CADM1: variants seen among roughly 807,000 people sequenced by gnomAD.
The protein encoded by CADM1 is cell adhesion molecule 1.
CADM1 carries 15 observed loss-of-function variants against 53.1 expected under a neutral mutation model. That is an observed-to-expected ratio of 0.28 (90% CI 0.19 to 0.44). The LOEUF is 0.44. Ranked by LOEUF, CADM1 falls within the 20% of genes least tolerant of loss-of-function variation. The pLI, the probability that CADM1 is intolerant of heterozygous loss-of-function variation, is 1.00. For missense variants in CADM1, 434 were observed against 611.3 expected (o/e 0.71, Z 3.06); for synonymous variants, 281 against 243.0 (o/e 1.16, Z -1.45).
At chr11:115,217,857 A>G (rs748099697) in intron 6 of CADM1, 35 bp downstream of exon 6, 3 of 1,337,698 alleles carry the variant, frequency 2.2e-6, no homozygotes, top group Middle Eastern at 1.9e-4. Flanking sequence ...TTTACTGCGC[A>G]TGACCCTCTG....
At chr11:115,331,893 G>A (rs1325245451) in intron 1 of CADM1, among the ~76,000 whole-genome samples, 3 of 142,820 alleles carry the variant, frequency 2.1e-5, no homozygotes, top group African/African-American at 8.1e-5. Context: ...GTTTTTTTGA[G>A]TTCAACACAG....
rs1435549453 is a variant in CADM1, at chr11:115,174,038, T to C, written c.*2436A>G. On this transcript the variant is annotated 3_prime_UTR_variant, in exon 12 of 12. Transcript: ENST00000331581. The stretch of plus-strand genomic sequence containing the variant: ...TAAACCAATATACAACTAAAATCCA[T>C]AATTTCCTGTTTTTGCTTTGTTTTA... The C allele has an allele frequency of 4.1e-6, 4 of 975,364 alleles. No individual in the cohort carries two copies. The highest frequency in any genetic ancestry group is 2.4e-6 in the Non-Finnish European group (2 of 820,926). The allele number at this position is 975,364 out of a possible 1,614,324, so 60.4% of individuals were successfully genotyped here.
chr11:115,217,545 C>T (rs1941237563), intron 6 of CADM1, among the ~76,000 whole-genome samples: 1 of 152,116 alleles, frequency 6.6e-6, no homozygotes, highest in Non-Finnish European at 1.5e-5. Context: ...TAGACATTAA[C>T]ACAAAAGGTG....
At chr11:115,425,500 C>T (rs1002801087) in intron 1 of CADM1, among the ~76,000 whole-genome samples, 2 of 152,216 alleles carry the variant, frequency 1.3e-5, no homozygotes, top group Admixed American at 6.5e-5. Flanking sequence ...GTAACCGCAT[C>T]GTAACGAGAC....
intron 1 of CADM1, among the ~76,000 whole-genome samples, chr11:115,297,828 A>C (rs528459325): frequency 5.9e-5 from 9 of 152,202 alleles, no homozygotes; most frequent in African/African-American, 1.2e-4. Context: ...TAGACAGAAC[A>C]CTGGGGTTTA....
At chr11:115,361,623 T>G (rs549755159) in intron 1 of CADM1, among the ~76,000 whole-genome samples, 1 of 152,292 alleles carries the variant, frequency 6.6e-6, no homozygotes, top group African/African-American at 2.4e-5. Context: ...AAAATGCCTA[T>G]TATGTCTTCA....
In CADM1 at chr11:115,172,326, C is replaced by T. The variant is rs552255632; in HGVS notation, c.*4148G>A. The T allele has an allele frequency of 1.3e-5, 2 of 152,360 alleles. No individual in the cohort carries two copies. Among genetic ancestry groups the T allele is most frequent in the South Asian group, 2.1e-4 (1 of 4,824 alleles). 9.4% of individuals were successfully genotyped at this position (152,360 alleles called of 1,614,324 possible). ...TCACTGAAGTATCGAGTCCTCTGCC[C>T]GGACTTTTCAGTACAGCCACAAGAC... is the stretch of plus-strand genomic sequence containing the variant. On this transcript the variant is annotated 3_prime_UTR_variant, in exon 12 of 12. Coordinates refer to ENST00000331581, the MANE Select transcript of CADM1 (RefSeq NM_001301043.2).
At chr11:115,393,447 A>C (rs2135189529) in intron 1 of CADM1, among the ~76,000 whole-genome samples, 1 of 152,080 alleles carries the variant, frequency 6.6e-6, no homozygotes, top group East Asian at 1.9e-4. Flanking sequence ...AGAAAGACTT[A>C]ATAGAAAAGT....
rs567595586 is a variant in CADM1 at position 115,373,548 on chromosome 11, C to T, written c.124+130723G>A. The stretch of plus-strand genomic sequence containing the variant: ...TGCAGTGACCCAGATCATGCCACTG[C>T]AGTCCAGCCTGGGTGACAGAGCAAG... On this transcript the variant is annotated intron_variant, in intron 1 of 11. Coordinates refer to ENST00000331581, the MANE Select transcript of CADM1 (RefSeq NM_001301043.2). Among the ~76,000 whole-genome samples the T allele has an allele frequency of 4.0e-5, 5 of 124,734 alleles. 1 individual carries two copies. The highest frequency in any genetic ancestry group is 1.6e-4 in the African/African-American group (5 of 31,750). The allele number at this position is 124,734 out of a possible 152,430, so 81.8% of individuals were successfully genotyped here. A position where few individuals can be genotyped will look rare whatever the true frequency, so the allele number is the denominator to read the frequency against.
intron 8 of CADM1, among the ~76,000 whole-genome samples, chr11:115,201,976 G>T (rs1202170226): frequency 2.6e-5 from 4 of 152,064 alleles, no homozygotes; most frequent in Admixed American, 2.6e-4. Context: ...GTCAAACAAG[G>T]TATCCAAAGA....
intron 1 of CADM1, among the ~76,000 whole-genome samples, chr11:115,373,926 A>C (rs951057220): frequency 3.3e-5 from 5 of 152,210 alleles, no homozygotes; most frequent in African/African-American, 1.2e-4. Context: ...CGTAGTCTTG[A>C]ATTTGAATTG....
At chr11:115,412,033 A>G (rs1014064365) in intron 1 of CADM1, among the ~76,000 whole-genome samples, 20 of 152,332 alleles carry the variant, frequency 1.3e-4, no homozygotes, top group African/African-American at 4.8e-4. Context: ...AAAATATGCT[A>G]GTTCACTCTT....
intron 11 of CADM1, 138 bp downstream of exon 11, chr11:115,178,506 C>G: frequency 4.2e-5 from 16 of 385,352 alleles, no homozygotes; most frequent in East Asian, 5.2e-5. Flanking sequence ...TTTTTCTCTT[C>G]TCTCTCTTCC....
rs1179131916 is a variant in CADM1, at chr11:115,240,345, T to C, written c.200A>G (p.Asn67Ser). ...CTGAATCACAGAGTCGTCACTCTTATTGACTTGGCAACTGATGGTCGCAAC... is the reference window on the plus strand; with the variant it reads ...CTGAATCACAGAGTCGTCACTCTTACTGACTTGGCAACTGATGGTCGCAAC... ...GEVATISCQV[N>S]KSDDSVIQLL... is the part of the protein sequence containing the mutation. Residue 67 changes from asparagine to serine, a missense_variant, in exon 2 of 12, where the codon AAT (asparagine) becomes AGT (serine). Physicochemically the swap from Asn to Ser is conservative, Grantham distance 46. Around this residue, in one of 4 missense-constraint regions of CADM1, gnomAD observed 31 missense variants for 74.6 expected, o/e 0.42. Transcript: ENST00000331581. The C allele has an allele frequency of 6.2e-6, 10 of 1,613,832 alleles. No individual in the cohort carries two copies. The highest frequency in any genetic ancestry group is 2.2e-5 in the East Asian group (1 of 44,832).
chr11:115,202,663 C>A (rs1006169413), intron 8 of CADM1, among the ~76,000 whole-genome samples: 3 of 152,128 alleles, frequency 2.0e-5, no homozygotes, highest in African/African-American at 7.2e-5. Flanking sequence ...TTTTAATACA[C>A]TTTCTCCCAG....
intron 1 of CADM1, among the ~76,000 whole-genome samples, chr11:115,332,499 C>G (rs1443033966): frequency 6.6e-6 from 1 of 152,112 alleles, no homozygotes; most frequent in African/African-American, 2.4e-5. Context: ...TGCATTGAAT[C>G]ACTGAGGGAA....
chr11:115,238,380 G>C (rs928644883), intron 3 of CADM1, 120 bp downstream of exon 3: 2 of 1,077,806 alleles, frequency 1.9e-6, no homozygotes, highest in African/African-American at 3.1e-5. Flanking sequence ...AGCAAGATGG[G>C]CGGTGATTCT....
At chr11:115,444,102 AC>A (rs1164567926) in intron 1 of CADM1, among the ~76,000 whole-genome samples, 1 of 152,212 alleles carries the variant, frequency 6.6e-6, no homozygotes, top group Non-Finnish European at 1.5e-5. Context: ...ATCAAAAAAA[AC>A]ATAAAAGAAG....
At chr11:115,264,845 CCTT>C (rs1409445433) in intron 1 of CADM1, among the ~76,000 whole-genome samples, 6 of 152,150 alleles carry the variant, frequency 3.9e-5, no homozygotes, top group Admixed American at 1.3e-4. Flanking sequence ...CTCTTACTAT[CCTT>C]CTTTCCACAC....
Sources: allele counts gnomAD v4.1 joint callset (sites outside exome capture counted in the v4.1 genomes callset), GRCh38; gene constraint gnomAD v4.1.1; regional missense constraint gnomAD v4.1.1; transcripts MANE v1.5; gene names NCBI Gene and HGNC (gene_info 2026-07-23, HGNC 2026-07-21).